Variants in EVL observed in about 807,000 individuals in gnomAD.
EVL encodes the protein Enah/Vasp-like, also known as ena/VASP-like protein.
EVL carries 21 observed loss-of-function variants against 59.6 expected under a neutral mutation model. That is an observed-to-expected ratio of 0.35 (90% CI 0.25 to 0.51). EVL has a LOEUF of 0.51. Among genes scored for constraint, EVL ranks in the 20% least tolerant of loss-of-function variants. EVL has a pLI of 0.97. For synonymous variants in EVL, 198 were observed against 203.5 expected (o/e 0.97, Z 0.23); for missense variants, 462 against 546.6 (o/e 0.85, Z 1.54).
chr14:100,001,056 G>A (rs533439729), intron 1 of EVL, among the ~76,000 whole-genome samples: 28 of 152,206 alleles, frequency 1.8e-4, no homozygotes, highest in South Asian at 1.0e-3. Flanking sequence ...GGGAGGAAGG[G>A]AGAAAAACAA....
intron 1 of EVL, among the ~76,000 whole-genome samples, chr14:99,991,692 C>T (rs987449645): frequency 9.9e-5 from 15 of 151,954 alleles, no homozygotes; most frequent in East Asian, 3.9e-4. Context: ...AAAGTTATCT[C>T]GGGGTAAACG....
intron 1 of EVL, among the ~76,000 whole-genome samples, chr14:100,044,365 T>C (rs1305796434): frequency 2.6e-5 from 4 of 152,188 alleles, no homozygotes; most frequent in African/African-American, 9.7e-5. Flanking sequence ...CAACACACAG[T>C]ATTTCTTATA....
chr14:100,116,271 G>A (rs373714197), intron 3 of EVL, among the ~76,000 whole-genome samples: 24 of 152,230 alleles, frequency 1.6e-4, no homozygotes, highest in African/African-American at 5.8e-4. Context: ...TGGCAGAGCA[G>A]GGAGGAGGCC....
chr14:99,983,783 A>G (rs976536454), intron 1 of EVL, among the ~76,000 whole-genome samples: 1 of 152,108 alleles, frequency 6.6e-6, no homozygotes, highest in African/African-American at 2.4e-5. Context: ...TTAGCCTTCA[A>G]ATCTTATTTG....
At chr14:100,131,733 G>C (rs1483980355) in intron 7 of EVL, among the ~76,000 whole-genome samples, 1 of 152,234 alleles carries the variant, frequency 6.6e-6, no homozygotes, top group Non-Finnish European at 1.5e-5. Context: ...GGGGCATGCA[G>C]GAAGGTGTTG....
At chr14:99,999,442 C>T (rs1406251781) in intron 1 of EVL, among the ~76,000 whole-genome samples, 3 of 152,070 alleles carry the variant, frequency 2.0e-5, no homozygotes, top group Admixed American at 6.6e-5. Context: ...GGATTAAATC[C>T]GCTGACACAT....
rs534333777 is a variant in EVL, at chr14:100,127,741, G to A, written c.488-778G>A. The stretch of plus-strand genomic sequence containing the variant: ...CTTCCGTGAGGACGTCATGGAGGAC[G>A]TCCGTCTTCCATGAACTTCTGGCCA... On this transcript the variant is annotated intron_variant, in intron 5 of 13. Transcript: ENST00000392920. This position sits in a 1 kb window ranked among gnomAD's most constrained non-coding sequence, Gnocchi z 4.2. Among the ~76,000 whole-genome samples, 8 of 152,306 alleles carry A rather than the reference G, an allele frequency of 5.3e-5. No individual in the cohort carries two copies. The highest frequency in any genetic ancestry group is 9.6e-5 in the African/African-American group (4 of 41,582).
At chr14:100,128,787 G>A (rs767968647) in intron 6 of EVL, 39 bp downstream of exon 6, 84 of 1,559,772 alleles carry the variant, frequency 5.4e-5, no homozygotes, top group Non-Finnish European at 6.5e-5. Context: ...TGGGACCGAG[G>A]GGACCCTTGT....
At chr14:100,033,492 A>G (rs1220824154) in intron 1 of EVL, among the ~76,000 whole-genome samples, 2 of 152,224 alleles carry the variant, frequency 1.3e-5, no homozygotes, top group Non-Finnish European at 2.9e-5. Context: ...TTGGATCTGT[A>G]TCTTCTAACT....
At chr14:99,998,245 C>T (rs192413134) in intron 1 of EVL, among the ~76,000 whole-genome samples, 25 of 151,950 alleles carry the variant, frequency 1.6e-4, no homozygotes, top group Admixed American at 1.5e-3. Flanking sequence ...GTCTCAAACG[C>T]GGCTCCAGTG....
At chr14:100,067,587 G>A (rs1360572221) in intron 1 of EVL, among the ~76,000 whole-genome samples, 2 of 152,200 alleles carry the variant, frequency 1.3e-5, no homozygotes, top group South Asian at 4.1e-4. Context: ...GGGACTACAG[G>A]TGTGGGCCAC....
intron 9 of EVL, 150 bp downstream of exon 9, chr14:100,136,118 C>T (rs76675455): frequency 4.5e-6 from 1 of 224,184 alleles, no homozygotes; most frequent in East Asian, 5.1e-5. Context: ...ATGGGTCCCC[C>T]AGAGCCTCCC....
chr14:100,015,868 C>G (rs1392041335), intron 1 of EVL, among the ~76,000 whole-genome samples: 1 of 150,938 alleles, frequency 6.6e-6, no homozygotes, highest in Non-Finnish European at 1.5e-5. Context: ...GCCAGGAGTT[C>G]GAGACCAGCC....
chr14:100,016,421 C>T (rs770213195), intron 1 of EVL, among the ~76,000 whole-genome samples: 2 of 151,566 alleles, frequency 1.3e-5, no homozygotes, highest in Admixed American at 6.6e-5. Context: ...ACCAGTTACT[C>T]GGGAGGCTGA....
chr14:100,084,081 T>G (rs1384893600), intron 1 of EVL, among the ~76,000 whole-genome samples: 1 of 151,108 alleles, frequency 6.6e-6, no homozygotes, highest in Non-Finnish European at 1.5e-5. Context: ...CGAGACAGTT[T>G]CACTCTGTTG....
intron 1 of EVL, among the ~76,000 whole-genome samples, chr14:100,035,128 A>G (rs2061369450): frequency 6.6e-6 from 1 of 152,166 alleles, no homozygotes; most frequent in Non-Finnish European, 1.5e-5. Context: ...TTATTCCTCA[A>G]ATTTTCTTTC....
chr14:99,988,696 A>C (rs2060856505), intron 1 of EVL, among the ~76,000 whole-genome samples: 1 of 152,250 alleles, frequency 6.6e-6, no homozygotes, highest in African/African-American at 2.4e-5. Context: ...TCACGAATCG[A>C]TGAATGGATA....
At chr14:100,134,938 G>T (rs1483079356) in intron 8 of EVL, 2 of 152,230 alleles carry the variant, frequency 1.3e-5, no homozygotes, top group African/African-American at 4.8e-5. Context: ...TAGAGTCAAA[G>T]CATAACTTCC....
At chr14:100,143,662 G>T (rs769291263) in intron 13 of EVL, 39 bp from the exon 14 acceptor site, 3 of 1,565,746 alleles carry the variant, frequency 1.9e-6, no homozygotes, top group Admixed American at 1.9e-5. Flanking sequence ...GGCTGCACTG[G>T]TCATGGCTGC....
Sources: gnomAD v4.1 joint callset for allele counts (sites outside exome capture counted in the v4.1 genomes callset) on GRCh38, gnomAD v4.1.1 for gene constraint, Gnocchi (gnomAD v3.1) non-coding constraint, MANE v1.5 for transcripts, NCBI Gene and HGNC (gene_info 2026-07-23, HGNC 2026-07-21) for gene names.